PTPRT: variants seen among roughly 807,000 people sequenced by gnomAD.
PTPRT encodes receptor-type tyrosine-protein phosphatase T.
A neutral mutation model predicts 176.8 loss-of-function variants in PTPRT; 56 were observed. The observed-to-expected ratio is 0.32, with a 90% CI of 0.26 to 0.40. PTPRT has a LOEUF of 0.40. Among genes scored for constraint, PTPRT ranks in the 10% least tolerant of loss-of-function variants. PTPRT has a pLI of 1.00. For synonymous variants in PTPRT, 783 were observed against 739.0 expected (o/e 1.06, Z -0.96); for missense variants, 1,540 against 1,908.2 (o/e 0.81, Z 3.60).
intron 2 of PTPRT, among the ~76,000 whole-genome samples, chr20:42,797,640 C>T (rs1213304073): frequency 1.3e-5 from 2 of 150,616 alleles, no homozygotes; most frequent in Non-Finnish European, 1.5e-5. Context: ...TAATATGTTA[C>T]CTTTCATGGC....
At chr20:43,106,290 C>A (rs940923961) in intron 1 of PTPRT, among the ~76,000 whole-genome samples, 1 of 152,060 alleles carries the variant, frequency 6.6e-6, no homozygotes, top group South Asian at 2.1e-4. Context: ...CTTTTCAGTG[C>A]AAATGTTCAG....
rs943056768 is a variant in PTPRT, at chr20:43,187,527, G to T, written c.88+2119C>A. On this transcript the variant is annotated intron_variant, in intron 1 of 30. Transcript: ENST00000373187. ...AGTTGCCGTTAAACTGGAAAGGAGA[G>T]GACAGATATATACAGAAAATCCCCA... is the stretch of plus-strand genomic sequence containing the variant. 2.0e-5 allele frequency among the ~76,000 whole-genome samples: 3 copies of T among 151,630 alleles called. No homozygotes were observed. The East Asian group carries it at 5.8e-4, about 29-fold the overall frequency.
chr20:42,273,136 A>C (rs1418607975), intron 13 of PTPRT, among the ~76,000 whole-genome samples: 1 of 152,286 alleles, frequency 6.6e-6, no homozygotes, highest in South Asian at 2.1e-4. Flanking sequence ...TGTTTCTTAC[A>C]AGCCAGGTAT....
rs138668682 is a variant in PTPRT, at chr20:42,795,331, A to G, written c.215-3865T>C. ...AATTTTGCATTTTTCCCCTTCGTGC[A>G]TAATAATGCCTTGATAAGCGCCTCG... On this transcript the variant is annotated intron_variant, in intron 2 of 30. Coordinates refer to ENST00000373187, the MANE Select transcript of PTPRT (RefSeq NM_007050.6). Among the ~76,000 whole-genome samples, 328 of 152,340 alleles carry G rather than the reference A, an allele frequency of 2.2e-3. 8 individuals carry two copies. Among genetic ancestry groups the G allele is most frequent in the Admixed American group, 0.016 (244 of 15,306 alleles).
intron 27 of PTPRT, among the ~76,000 whole-genome samples, chr20:42,096,782 T>G (rs1472131035): frequency 1.6e-5 from 2 of 121,644 alleles, no homozygotes; most frequent in African/African-American, 6.4e-5. Flanking sequence ...TTTTTTTTTG[T>G]AGAGACAGGG....
In PTPRT at chr20:43,087,433, G is replaced by T. The variant is rs528442383; in HGVS notation, c.88+102213C>A. Among the ~76,000 whole-genome samples the T allele has an allele frequency of 5.9e-5, 8 of 136,016 alleles. No individual in the cohort carries two copies. In the East Asian group the frequency reaches 1.8e-3, roughly 31 times the overall value. 89.2% of individuals were successfully genotyped at this position (136,016 alleles called of 152,430 possible). A position where few individuals can be genotyped will look rare whatever the true frequency, so the allele number is the denominator to read the frequency against. On this transcript the variant is annotated intron_variant, in intron 1 of 30. Coordinates refer to ENST00000373187, the MANE Select transcript of PTPRT (RefSeq NM_007050.6). ...AGGCTGAATGCAGTGGTGTGCTCTT[G>T]GCTCACTGCAACCTCCACCTCTCAG...
At chr20:42,553,997 G>A (rs750726745) in intron 7 of PTPRT, among the ~76,000 whole-genome samples, 4 of 152,076 alleles carry the variant, frequency 2.6e-5, no homozygotes, top group South Asian at 4.2e-4. Flanking sequence ...CACCAAGGCC[G>A]CAGAAAGTGG....
intron 1 of PTPRT, among the ~76,000 whole-genome samples, chr20:43,171,578 G>A (rs1454769225): frequency 6.6e-6 from 1 of 152,190 alleles, no homozygotes; most frequent in African/African-American, 2.4e-5. Context: ...GAAGGGATTT[G>A]ATTGGCCAAA....
Position 42,988,019 on chromosome 20 carries a change from C to T in PTPRT, c.89-102087G>A, listed in dbSNP as rs543525110. On this transcript the variant is annotated intron_variant, in intron 1 of 30. Transcript: ENST00000373187. ...AAGCTGTAGTAGCTCTTATTACAAT[C>T]GAATCTTGGAAGTGACAAATCAAAG... Among the ~76,000 whole-genome samples, 9 of 152,208 alleles carry T rather than the reference C, an allele frequency of 5.9e-5. No homozygotes were observed. The South Asian group carries it at 6.2e-4, about 11-fold the overall frequency.
intron 17 of PTPRT, among the ~76,000 whole-genome samples, chr20:42,144,224 T>C (rs553289984): frequency 6.6e-6 from 1 of 152,174 alleles, no homozygotes; most frequent in Non-Finnish European, 1.5e-5. Flanking sequence ...ATGTGATTTA[T>C]TGAGATGGAG....
intron 7 of PTPRT, among the ~76,000 whole-genome samples, chr20:42,646,587 T>C (rs1389167429): frequency 6.6e-6 from 1 of 152,072 alleles, no homozygotes; most frequent in Non-Finnish European, 1.5e-5. Context: ...AATTAATATT[T>C]CAGTTCTTCA....
chr20:43,005,140 C>T (rs976551967), intron 1 of PTPRT, among the ~76,000 whole-genome samples: 2 of 149,484 alleles, frequency 1.3e-5, no homozygotes, highest in African/African-American at 4.8e-5. Context: ...ACCCAGGAAC[C>T]AGGGTGCTTT....
chr20:42,923,858 T>G (rs1386602605), intron 1 of PTPRT, among the ~76,000 whole-genome samples: 1 of 151,770 alleles, frequency 6.6e-6, no homozygotes, highest in East Asian at 1.9e-4. Flanking sequence ...TTTTTTTTCC[T>G]TAAGACAGAG....
chr20:42,900,673 T>C (rs1387206203), intron 1 of PTPRT, among the ~76,000 whole-genome samples: 1 of 152,056 alleles, frequency 6.6e-6, no homozygotes, highest in Non-Finnish European at 1.5e-5. Context: ...TAATAGTACA[T>C]TGTTGGGAGA....
At chr20:42,961,294 G>A (rs1407945569) in intron 1 of PTPRT, among the ~76,000 whole-genome samples, 1 of 152,144 alleles carries the variant, frequency 6.6e-6, no homozygotes, top group African/African-American at 2.4e-5. Flanking sequence ...AGATTGCTAT[G>A]GTGCCTGTTG....
intron 6 of PTPRT, among the ~76,000 whole-genome samples, chr20:42,690,866 A>G (rs1389875654): frequency 6.6e-6 from 1 of 152,176 alleles, no homozygotes; most frequent in Non-Finnish European, 1.5e-5. Flanking sequence ...GTCATACCTC[A>G]CTGGGTCCTT....
At chr20:42,192,990 T>G (rs1218244171) in intron 16 of PTPRT, among the ~76,000 whole-genome samples, 1 of 152,196 alleles carries the variant, frequency 6.6e-6, no homozygotes, top group African/African-American at 2.4e-5. Context: ...CCAGAAAGTC[T>G]ATTTCACCTT....
At chr20:42,922,334 T>C (rs73910629) in intron 1 of PTPRT, among the ~76,000 whole-genome samples, 1 of 152,148 alleles carries the variant, frequency 6.6e-6, no homozygotes, top group Non-Finnish European at 1.5e-5. Flanking sequence ...TCTTCTCTTC[T>C]AAGTCCCAAC....
intron 1 of PTPRT, among the ~76,000 whole-genome samples, chr20:43,083,351 T>TACACACATATATATATATATATATATAC (rs1555828987): frequency 1.7e-5 from 2 of 114,318 alleles, no homozygotes; most frequent in African/African-American, 6.9e-5. Context: ...TATATATATA[T>TACACACATATATATATATATATATATAC]ATATATATAT....
Sources: allele counts gnomAD v4.1 joint callset (sites outside exome capture counted in the v4.1 genomes callset), GRCh38; gene constraint gnomAD v4.1.1; transcripts MANE v1.5; gene names NCBI Gene and HGNC (gene_info 2026-07-23, HGNC 2026-07-21).